The following RSBN1L variants were observed in gnomAD, a reference collection of about 807,000 sequenced individuals.
RSBN1L encodes round spermatid basic protein 1 like, also known as lysine-specific demethylase RSBN1L.
RSBN1L carries 30 observed loss-of-function variants against 67.7 expected under a neutral mutation model. That is an observed-to-expected ratio of 0.44 (90% CI 0.33 to 0.60). The LOEUF is 0.60. Among genes scored for constraint, RSBN1L ranks in the 20% least tolerant of loss-of-function variants. The probability of loss-of-function intolerance (pLI) is 0.02; values close to 1 mark genes in which losing one functional copy is unlikely to be tolerated. For synonymous variants in RSBN1L, 433 were observed against 387.0 expected (o/e 1.12, Z -1.39); for missense variants, 992 against 1,031.7 (o/e 0.96, Z 0.53).
chr7:77,729,443 A>T (rs986921699), intron 1 of RSBN1L, among the ~76,000 whole-genome samples: 2 of 152,206 alleles, frequency 1.3e-5, no homozygotes, highest in Admixed American at 1.3e-4. Flanking sequence ...GTTACTAAGA[A>T]CAGGTGTTCC....
intron 1 of RSBN1L, among the ~76,000 whole-genome samples, chr7:77,726,915 G>A (rs1791211383): frequency 1.3e-5 from 2 of 150,870 alleles, no homozygotes; most frequent in East Asian, 2.0e-4. Flanking sequence ...CCAAAATGCT[G>A]GCATTACAGG....
intron 1 of RSBN1L, among the ~76,000 whole-genome samples, chr7:77,708,254 C>T (rs1051859821): frequency 4.0e-5 from 6 of 151,688 alleles, no homozygotes; most frequent in African/African-American, 7.3e-5. Flanking sequence ...CAGGAGGGTG[C>T]GTGGTGTGTT....
In RSBN1L at chr7:77,707,176, A is replaced by G. The variant is rs1790904882; in HGVS notation, c.586+10121A>G. ...GTAGCTGGACTTACAGTTGTGTGCCACCACGCCCAGCTAATTTTTGTATTT... is the reference window on the plus strand; with the variant it reads ...GTAGCTGGACTTACAGTTGTGTGCCGCCACGCCCAGCTAATTTTTGTATTT... On this transcript the variant is annotated intron_variant, in intron 1 of 7. Coordinates refer to ENST00000334955, the MANE Select transcript of RSBN1L (RefSeq NM_198467.3). Among the ~76,000 whole-genome samples the G allele has an allele frequency of 2.6e-5, 4 of 152,220 alleles. No homozygotes were observed. The South Asian group carries it at 8.3e-4, about 32-fold the overall frequency.
At chr7:77,743,254 T>G (rs1156907726) in intron 2 of RSBN1L, among the ~76,000 whole-genome samples, 4 of 152,020 alleles carry the variant, frequency 2.6e-5, no homozygotes, top group African/African-American at 9.7e-5. Context: ...GTGTCTTGCT[T>G]TGTTTCCCAG....
intron 1 of RSBN1L, among the ~76,000 whole-genome samples, chr7:77,718,249 T>C (rs1791073383): frequency 1.3e-5 from 2 of 152,160 alleles, no homozygotes; most frequent in Non-Finnish European, 2.9e-5. Flanking sequence ...TGACATTATA[T>C]ATTAAGCCTT....
chr7:77,747,108 C>G (rs1791494557), intron 2 of RSBN1L, among the ~76,000 whole-genome samples: 1 of 152,112 alleles, frequency 6.6e-6, no homozygotes, highest in African/African-American at 2.4e-5. Context: ...TCTGCAGTAC[C>G]CTGGTGGAGA....
intron 3 of RSBN1L, among the ~76,000 whole-genome samples, chr7:77,764,730 C>T (rs1371259130): frequency 6.6e-6 from 1 of 151,924 alleles, no homozygotes; most frequent in Non-Finnish European, 1.5e-5. Flanking sequence ...AGGTTCACGC[C>T]ATTCTCCTGC....
In RSBN1L at chr7:77,782,211, G is replaced by T. The variant is rs1353286055; in HGVS notation, c.*3043G>T. ...ATTAATGGTTTCATAGTACATTCCA[G>T]TTCTTTATCTGAATACAAGCGTTTT... On this transcript the variant is annotated 3_prime_UTR_variant, in exon 8 of 8. Coordinates refer to ENST00000334955, the MANE Select transcript of RSBN1L (RefSeq NM_198467.3). 1 of 152,018 alleles carries T rather than the reference G, an allele frequency of 6.6e-6. No homozygotes were observed. Among genetic ancestry groups the T allele is most frequent in the Non-Finnish European group, 1.5e-5 (1 of 67,990 alleles). 9.4% of individuals were successfully genotyped at this position (152,018 alleles called of 1,614,324 possible).
chr7:77,716,755 C>T (rs1791054726), intron 1 of RSBN1L, among the ~76,000 whole-genome samples: 1 of 149,798 alleles, frequency 6.7e-6, no homozygotes, highest in African/African-American at 2.5e-5. Context: ...CCTCAACCTC[C>T]CGAGTAGCTG....
At chr7:77,757,498 A>G (rs1791635245) in intron 3 of RSBN1L, among the ~76,000 whole-genome samples, 1 of 152,246 alleles carries the variant, frequency 6.6e-6, no homozygotes, top group African/African-American at 2.4e-5. Flanking sequence ...CTTTTCCCAA[A>G]GTTTGTAACC....
intron 6 of RSBN1L, 170 bp downstream of exon 6, chr7:77,773,484 G>C (rs1236601786): frequency 2.2e-6 from 1 of 456,194 alleles, no homozygotes; most frequent in East Asian, 3.6e-5. Flanking sequence ...CTAGAATCTG[G>C]CTGGGTGGGG....
At chr7:77,752,923 C>G (rs1441755272) in intron 3 of RSBN1L, among the ~76,000 whole-genome samples, 1 of 152,120 alleles carries the variant, frequency 6.6e-6, no homozygotes, top group African/African-American at 2.4e-5. Flanking sequence ...ATTGTTGTGT[C>G]TGGTCTCTTT....
chr7:77,760,559 C>G (rs1202500970), intron 3 of RSBN1L, among the ~76,000 whole-genome samples: 1 of 152,102 alleles, frequency 6.6e-6, no homozygotes, highest in Non-Finnish European at 1.5e-5. Flanking sequence ...TCAAGAGGAA[C>G]TATATGTATA....
intron 3 of RSBN1L, among the ~76,000 whole-genome samples, chr7:77,761,435 C>G (rs976699279): frequency 3.3e-5 from 5 of 152,110 alleles, no homozygotes; most frequent in Non-Finnish European, 4.4e-5. Flanking sequence ...TCCACCTCAC[C>G]GCCCTTGAGT....
chr7:77,753,069 G>A (rs1791574384), intron 3 of RSBN1L, among the ~76,000 whole-genome samples: 2 of 152,174 alleles, frequency 1.3e-5, no homozygotes, highest in South Asian at 4.1e-4. Context: ...GGACATTTGA[G>A]TTGTTTCCAG....
At chr7:77,740,170 T>C (rs1374827727) in intron 2 of RSBN1L, among the ~76,000 whole-genome samples, 2 of 152,198 alleles carry the variant, frequency 1.3e-5, no homozygotes, top group Non-Finnish European at 2.9e-5. Flanking sequence ...ATTTGCTCTT[T>C]TCAAAATAGT....
chr7:77,758,574 G>T (rs76228566), intron 3 of RSBN1L, among the ~76,000 whole-genome samples: 1 of 152,216 alleles, frequency 6.6e-6, no homozygotes, highest in African/African-American at 2.4e-5. Context: ...GAAATCGTAG[G>T]CTTTATTCAT....
chr7:77,752,959 C>A (rs545698309), intron 3 of RSBN1L, among the ~76,000 whole-genome samples: 1 of 152,168 alleles, frequency 6.6e-6, no homozygotes, highest in Non-Finnish European at 1.5e-5. Flanking sequence ...TTGTGAGATT[C>A]ATCCATCTTG....
At chr7:77,727,488 T>TC (rs1482304629) in intron 1 of RSBN1L, among the ~76,000 whole-genome samples, 1 of 152,210 alleles carries the variant, frequency 6.6e-6, no homozygotes, top group African/African-American at 2.4e-5. Context: ...ATAAGAATTG[T>TC]CACTTTTATT....
Sources: gnomAD v4.1 joint callset for allele counts (sites outside exome capture counted in the v4.1 genomes callset) on GRCh38, gnomAD v4.1.1 for gene constraint, MANE v1.5 for transcripts, NCBI Gene and HGNC (gene_info 2026-07-23, HGNC 2026-07-21) for gene names.